GPR158: variants seen among roughly 807,000 people sequenced by gnomAD.
GPR158 encodes metabotropic glycine receptor.
GPR158 carries 30 observed loss-of-function variants against 78.2 expected under a neutral mutation model. The observed-to-expected ratio is 0.38, with a 90% CI of 0.29 to 0.52. The LOEUF is 0.52. Ranked by LOEUF, GPR158 falls within the 20% of genes least tolerant of loss-of-function variation. GPR158 has a pLI of 0.83. For synonymous variants in GPR158, 581 were observed against 591.1 expected (o/e 0.98, Z 0.25); for missense variants, 1,463 against 1,523.5 (o/e 0.96, Z 0.66).
At chr10:25,295,028 G>A (rs73608262) in intron 2 of GPR158, among the ~76,000 whole-genome samples, 2,140 of 151,018 alleles carry the variant, frequency 0.014, 50 homozygotes, top group African/African-American at 0.049. Context: ...CTTTGCCAGC[G>A]TTTCATTAGG....
At chr10:25,254,296 A>G (rs529991735) in intron 2 of GPR158, among the ~76,000 whole-genome samples, 1 of 152,344 alleles carries the variant, frequency 6.6e-6, no homozygotes, top group Middle Eastern at 3.4e-3. Flanking sequence ...ATGGCAAAAC[A>G]GGACAAATAG....
rs528737551 is a variant in GPR158 at position 25,460,207 on chromosome 10, T to C, written c.1336-6444T>C. On this transcript the variant is annotated intron_variant, in intron 4 of 10. Coordinates refer to ENST00000376351, the MANE Select transcript of GPR158 (RefSeq NM_020752.3). ...ATCAGAGATTTTCTTTTTTTTTTTT[T>C]CCCTCTTCTTTTGAGATGGAGTCTT... Among the ~76,000 whole-genome samples the C allele has an allele frequency of 2.3e-4, 35 of 152,010 alleles. No homozygotes were observed. In the Middle Eastern group the frequency reaches 0.01, roughly 45 times the overall value.
At chr10:25,589,401 C>T (rs373774406) in intron 8 of GPR158, among the ~76,000 whole-genome samples, 52 of 152,156 alleles carry the variant, frequency 3.4e-4, no homozygotes, top group African/African-American at 1.2e-3. Flanking sequence ...TATCTTAAGC[C>T]ACTTATGGAA....
In GPR158 at chr10:25,473,969, T is replaced by C. The variant is rs1835546563; in HGVS notation, c.1404+7250T>C. Among the ~76,000 whole-genome samples, 7 of 152,260 alleles carry C rather than the reference T, an allele frequency of 4.6e-5. No homozygotes were observed. In the South Asian group the frequency reaches 8.3e-4, roughly 18 times the overall value. On this transcript the variant is annotated intron_variant, in intron 5 of 10. Coordinates refer to ENST00000376351, the MANE Select transcript of GPR158 (RefSeq NM_020752.3). ...AAAATGGACTTTGCTGATATGATTATGTTAAAAACTTTGAGATGGGGAGAT... is the reference window on the plus strand; with the variant it reads ...AAAATGGACTTTGCTGATATGATTACGTTAAAAACTTTGAGATGGGGAGAT...
At chr10:25,478,493 CGTGT>C (rs71399974) in intron 5 of GPR158, among the ~76,000 whole-genome samples, 1,548 of 145,130 alleles carry the variant, frequency 0.011, 19 homozygotes, top group African/African-American at 0.027. Context: ...ATATATAATG[CGTGT>C]GTGTGTGTGT....
chr10:25,417,366 G>T (rs989069375), intron 4 of GPR158, among the ~76,000 whole-genome samples: 2 of 152,098 alleles, frequency 1.3e-5, no homozygotes, highest in African/African-American at 4.8e-5. Context: ...TCTAGATCAC[G>T]GTTGGCCAGT....
At chr10:25,446,997 G>A (rs1588868534) in intron 4 of GPR158, among the ~76,000 whole-genome samples, 1 of 152,068 alleles carries the variant, frequency 6.6e-6, no homozygotes, top group Non-Finnish European at 1.5e-5. Flanking sequence ...GGCGTTATCT[G>A]AGGCCAGGAA....
intron 2 of GPR158, among the ~76,000 whole-genome samples, chr10:25,273,690 A>AT (rs988657711): frequency 1.3e-5 from 2 of 151,138 alleles, no homozygotes; most frequent in Non-Finnish European, 3.0e-5. Flanking sequence ...TCTTTGTTTT[A>AT]TTTTTTTGAG....
intron 2 of GPR158, among the ~76,000 whole-genome samples, chr10:25,294,171 A>T (rs1015754347): frequency 6.6e-6 from 1 of 152,226 alleles, no homozygotes; most frequent in Non-Finnish European, 1.5e-5. Context: ...CTAATAAAAG[A>T]TGAGTGAGAT....
intron 2 of GPR158, among the ~76,000 whole-genome samples, chr10:25,351,622 C>A (rs1234501519): frequency 6.6e-6 from 1 of 150,642 alleles, no homozygotes; most frequent in Non-Finnish European, 1.5e-5. Flanking sequence ...TTGAATTTTT[C>A]ATTTTTCATT....
intron 2 of GPR158, among the ~76,000 whole-genome samples, chr10:25,295,378 A>G (rs1404172749): frequency 6.6e-6 from 1 of 152,168 alleles, no homozygotes; most frequent in Non-Finnish European, 1.5e-5. Context: ...AAATGAGATC[A>G]TGTCTCTCTC....
At chr10:25,357,649 G>T (rs1410208571) in intron 2 of GPR158, among the ~76,000 whole-genome samples, 1 of 152,112 alleles carries the variant, frequency 6.6e-6, no homozygotes, top group East Asian at 1.9e-4. Context: ...AAGAATTGAG[G>T]TTTGGGAACC....
chr10:25,192,137 C>T (rs1279836365), intron 1 of GPR158, among the ~76,000 whole-genome samples: 1 of 152,130 alleles, frequency 6.6e-6, no homozygotes, highest in Non-Finnish European at 1.5e-5. Context: ...GTGGGGGCAG[C>T]TTCCCCTGAG....
At chr10:25,254,215 T>G (rs1853862026) in intron 2 of GPR158, among the ~76,000 whole-genome samples, 1 of 152,214 alleles carries the variant, frequency 6.6e-6, no homozygotes, top group Non-Finnish European at 1.5e-5. Flanking sequence ...TACAAATTAA[T>G]TATTTCTTTT....
chr10:25,226,966 C>T (rs111913979), intron 2 of GPR158, among the ~76,000 whole-genome samples: 2,376 of 152,256 alleles, frequency 0.016, 64 homozygotes, highest in African/African-American at 0.054. Flanking sequence ...CTTTACCAGG[C>T]TTAGCCAAAG....
In GPR158 at chr10:25,599,283, GGAA is replaced by G; in HGVS notation, c.*15_*17del. On this transcript the variant is annotated 3_prime_UTR_variant, in exon 11 of 11. Transcript: ENST00000376351. Reference sequence around the variant, plus strand: ...ATAGTTTTAAAGTGTAGCATCTCCAGGAAGAAGAGGAAAAGGAGGGAACCCCGG... The same window carrying G: ...ATAGTTTTAAAGTGTAGCATCTCCAGGAAGAGGAAAAGGAGGGAACCCCGG... 2 of 1,585,530 alleles carry G rather than the reference GGAA, an allele frequency of 1.3e-6. No individual in the cohort carries two copies. Among genetic ancestry groups the G allele is most frequent in the Non-Finnish European group, 8.6e-7 (1 of 1,164,016 alleles).
intron 2 of GPR158, among the ~76,000 whole-genome samples, chr10:25,230,460 T>C (rs562229488): frequency 1.3e-5 from 2 of 152,322 alleles, no homozygotes; most frequent in East Asian, 1.9e-4. Flanking sequence ...TACATTAAAA[T>C]GTGTGTAGAT....
rs573064443 is a variant in GPR158 at position 25,232,406 on chromosome 10, C to T, written c.1008+11249C>T. On this transcript the variant is annotated intron_variant, in intron 2 of 10. Coordinates refer to ENST00000376351, the MANE Select transcript of GPR158 (RefSeq NM_020752.3). The stretch of plus-strand genomic sequence containing the variant: ...AAGCTTTCAGTGAGAAATGAGGCTA[C>T]GGATGCTTGGCAGCCCCCTTTTTGA... Among the ~76,000 whole-genome samples, 28 of 152,264 alleles carry T rather than the reference C, an allele frequency of 1.8e-4. No homozygotes were observed. In the South Asian group the frequency reaches 4.6e-3, roughly 25 times the overall value.
chr10:25,526,247 A>C (rs987888206), intron 5 of GPR158, among the ~76,000 whole-genome samples: 1 of 152,174 alleles, frequency 6.6e-6, no homozygotes, highest in African/African-American at 2.4e-5. Context: ...AAAAACTATC[A>C]AAAGCAGGCA....
Sources: gnomAD v4.1 joint callset for allele counts (sites outside exome capture counted in the v4.1 genomes callset) on GRCh38, gnomAD v4.1.1 for gene constraint, MANE v1.5 for transcripts, NCBI Gene and HGNC (gene_info 2026-07-23, HGNC 2026-07-21) for gene names.